The following DTNA variants were observed in gnomAD, a reference collection of about 807,000 sequenced individuals.
DTNA encodes the protein dystrobrevin alpha, also known as dystrophin-related protein 3.
A neutral mutation model predicts 100.7 loss-of-function variants in DTNA; 43 were observed. That is an observed-to-expected ratio of 0.43 (90% CI 0.33 to 0.55). The LOEUF is 0.55. Ranked by LOEUF, DTNA falls within the 20% of genes least tolerant of loss-of-function variation. The pLI is 0.04. For synonymous variants in DTNA, 349 were observed against 347.9 expected (o/e 1.00, Z -0.04); for missense variants, 798 against 953.9 (o/e 0.84, Z 2.15).
At chr18:34,837,732 G>C (rs748617023) in intron 11 of DTNA, among the ~76,000 whole-genome samples, 63 of 152,288 alleles carry the variant, frequency 4.1e-4, no homozygotes, top group South Asian at 6.2e-4. Flanking sequence ...CTAAGTTCTT[G>C]AGTGGGATCT....
At chr18:34,622,513 G>T (rs2056686290) in intron 1 of DTNA, among the ~76,000 whole-genome samples, 1 of 152,168 alleles carries the variant, frequency 6.6e-6, no homozygotes, top group African/African-American at 2.4e-5. Flanking sequence ...TTTGGGGTGT[G>T]CCTGTGAAGG....
intron 1 of DTNA, among the ~76,000 whole-genome samples, chr18:34,747,469 T>G (rs1193564439): frequency 6.6e-6 from 1 of 152,114 alleles, no homozygotes; most frequent in Non-Finnish European, 1.5e-5. Context: ...GTACCCAATA[T>G]GTAGTCATTT....
At chr18:34,718,123 T>C (rs1050651549) in intron 1 of DTNA, among the ~76,000 whole-genome samples, 10 of 152,322 alleles carry the variant, frequency 6.6e-5, no homozygotes, top group African/African-American at 2.4e-4. Context: ...GCAGGATTTT[T>C]GTGGCCAAGG....
At position 34,863,462 on chromosome 18, in the gene DTNA, T is replaced by A. The variant is rs1010286772; in HGVS notation, c.1647-504T>A. On this transcript the variant is annotated intron_variant, in intron 16 of 22. Coordinates refer to ENST00000444659, the MANE Select transcript of DTNA (RefSeq NM_001386795.1). ...ATGGATTGTATCTACGTGCTGTTAA[T>A]ATCTCACCTCTGAGAGACACCTCAA... Among the ~76,000 whole-genome samples the A allele has an allele frequency of 2.0e-5, 3 of 152,362 alleles. No homozygotes were observed. In the East Asian group the frequency reaches 5.8e-4, roughly 29 times the overall value.
chr18:34,704,590 A>C (rs562694442), intron 1 of DTNA, among the ~76,000 whole-genome samples: 3 of 152,158 alleles, frequency 2.0e-5, no homozygotes, highest in Non-Finnish European at 2.9e-5. Flanking sequence ...ATATATTGTT[A>C]TAGCTACAGT....
At chr18:34,817,903 A>G (rs1334141680) in intron 7 of DTNA, 3 of 1,274,350 alleles carry the variant, frequency 2.4e-6, no homozygotes, top group Non-Finnish European at 3.0e-6. Context: ...GGGAATAGAA[A>G]GAGCAAATGG....
At chr18:34,577,783 T>C (rs9958492) in intron 1 of DTNA, among the ~76,000 whole-genome samples, 16,040 of 152,256 alleles carry the variant, frequency 0.11, 1,246 homozygotes, top group African/African-American at 0.21. Flanking sequence ...TTTTTAAGGC[T>C]GAGTAGTATT....
intron 8 of DTNA, among the ~76,000 whole-genome samples, chr18:34,819,969 A>G (rs921326450): frequency 6.8e-6 from 1 of 147,200 alleles, no homozygotes; most frequent in Non-Finnish European, 1.5e-5. Context: ...GTGCAAAAGC[A>G]ATTGCGGTTT....
At chr18:34,718,077 C>T (rs1360233536) in intron 1 of DTNA, among the ~76,000 whole-genome samples, 2 of 152,106 alleles carry the variant, frequency 1.3e-5, no homozygotes, top group Non-Finnish European at 2.9e-5. Context: ...TTTTAAGCCC[C>T]CTTGAAAATT....
At chr18:34,873,470 CGTCT>C (rs2096785103) in intron 17 of DTNA, among the ~76,000 whole-genome samples, 1 of 152,206 alleles carries the variant, frequency 6.6e-6, no homozygotes, top group Non-Finnish European at 1.5e-5. Context: ...ATCTGACCAG[CGTCT>C]GTCTCCATTG....
chr18:34,852,997 G>GAAC (rs1172880215), intron 15 of DTNA, among the ~76,000 whole-genome samples: 2 of 152,206 alleles, frequency 1.3e-5, no homozygotes, highest in African/African-American at 4.8e-5. Flanking sequence ...TTTGAGAACA[G>GAAC]AGGCCATGGC....
At chr18:34,662,392 T>C (rs899949485) in intron 1 of DTNA, among the ~76,000 whole-genome samples, 9 of 152,124 alleles carry the variant, frequency 5.9e-5, no homozygotes, top group African/African-American at 2.2e-4. Flanking sequence ...AAACATGATA[T>C]GGCAGGAAGA....
At chr18:34,668,168 T>C (rs28852401) in intron 1 of DTNA, among the ~76,000 whole-genome samples, 16,434 of 152,120 alleles carry the variant, frequency 0.11, 1,272 homozygotes, top group African/African-American at 0.22. Flanking sequence ...GTGTATGTGT[T>C]GAGGAATTTA....
chr18:34,642,010 T>C (rs2059328927), intron 1 of DTNA, among the ~76,000 whole-genome samples: 1 of 152,228 alleles, frequency 6.6e-6, no homozygotes, highest in Non-Finnish European at 1.5e-5. Flanking sequence ...TATATAAGGA[T>C]TGTACTATAT....
At chr18:34,502,210 G>A (rs927952452) in intron 1 of DTNA, among the ~76,000 whole-genome samples, 10 of 152,102 alleles carry the variant, frequency 6.6e-5, no homozygotes, top group African/African-American at 2.4e-4. Flanking sequence ...ATGGTCTTTA[G>A]TGCTATCCCA....
chr18:34,532,082 C>T (rs2043193852), intron 1 of DTNA, among the ~76,000 whole-genome samples: 1 of 151,932 alleles, frequency 6.6e-6, no homozygotes, highest in Admixed American at 6.6e-5. Context: ...TTGTAAAAGC[C>T]CCTTTGGGAA....
chr18:34,812,747 C>T (rs2095511015), intron 6 of DTNA, among the ~76,000 whole-genome samples: 1 of 152,162 alleles, frequency 6.6e-6, no homozygotes, highest in Admixed American at 6.5e-5. Context: ...ACCATATCAC[C>T]TACACCCTCA....
intron 1 of DTNA, among the ~76,000 whole-genome samples, chr18:34,600,915 G>T (rs541061787): frequency 6.6e-6 from 1 of 152,220 alleles, no homozygotes; most frequent in Non-Finnish European, 1.5e-5. Context: ...ACCTGGAAAT[G>T]ACCCATTTTC....
At chr18:34,863,588 G>C (rs575891800) in intron 16 of DTNA, among the ~76,000 whole-genome samples, 59 of 152,344 alleles carry the variant, frequency 3.9e-4, no homozygotes, top group African/African-American at 1.3e-3. Flanking sequence ...TAGATTTGGA[G>C]AATCTGGAAG....
Sources: gnomAD v4.1 joint callset for allele counts (sites outside exome capture counted in the v4.1 genomes callset) on GRCh38, gnomAD v4.1.1 for gene constraint, MANE v1.5 for transcripts, NCBI Gene and HGNC (gene_info 2026-07-23, HGNC 2026-07-21) for gene names.